The following PROCR variants were observed in gnomAD, a reference collection of about 807,000 sequenced individuals.
PROCR encodes the protein endothelial protein C receptor.
In PROCR, 22 loss-of-function variants were observed where a neutral mutation model predicts 24.2. That is an observed-to-expected ratio of 0.91 (90% CI 0.65 to 1.30). The LOEUF (loss-of-function observed/expected upper bound fraction) is 1.30, where lower values mean the gene tolerates loss of function less well. PROCR is among the 50% of genes most tolerant of loss of function. PROCR has a pLI of 0.00. For missense variants in PROCR, 288 were observed against 307.7 expected (o/e 0.94, Z 0.48); for synonymous variants, 137 against 139.2 (o/e 0.98, Z 0.11).
At chr20:35,193,826 G>A (rs2086193796) in intron 1 of PROCR, among the ~76,000 whole-genome samples, 1 of 152,210 alleles carries the variant, frequency 6.6e-6, no homozygotes. Flanking sequence ...CTAAATTTGA[G>A]AGCTCACTAT....
At chr20:35,206,221 TC>T (rs1188485542) in intron 1 of PROCR, among the ~76,000 whole-genome samples, 6 of 151,302 alleles carry the variant, frequency 4.0e-5, no homozygotes. Context: ...ATGCCTGTAA[TC>T]CCAGCACTTT....
At chr20:35,186,762 C>T (rs1476602024) in intron 1 of PROCR, among the ~76,000 whole-genome samples, 1 of 151,360 alleles carries the variant, frequency 6.6e-6, no homozygotes. Flanking sequence ...TCCTTGCTAA[C>T]ATGGTGAAAC....
At chr20:35,210,752 G>A (rs2060360009) in intron 1 of PROCR, among the ~76,000 whole-genome samples, 1 of 144,354 alleles carries the variant, frequency 6.9e-6, no homozygotes, top group Non-Finnish European at 1.5e-5. Flanking sequence ...TCTCACTCTT[G>A]CCCAGGCTAG....
downstream of PROCR, among the ~76,000 whole-genome samples, chr20:35,178,507 G>GTTTTTTTTTT (rs1203789471): frequency 2.3e-3 from 78 of 34,368 alleles, 19 homozygotes; most frequent in African/African-American, 0.013. Context: ...TCAAGTCTCA[G>GTTTTTTTTTT]TTTTTTTTTT....
At chr20:35,185,780 C>G (rs1231479757) in intron 1 of PROCR, among the ~76,000 whole-genome samples, 8 of 152,132 alleles carry the variant, frequency 5.3e-5, no homozygotes, top group Admixed American at 3.9e-4. Context: ...AAATATGGTG[C>G]ATTGTGTACT....
chr20:35,181,396 T>C (rs2086077791), downstream of PROCR, among the ~76,000 whole-genome samples: 1 of 151,890 alleles, frequency 6.6e-6, no homozygotes, highest in Non-Finnish European at 1.5e-5. Flanking sequence ...TACCTCAGCC[T>C]CCCAAGTAGC....
chr20:35,203,888 G>A (rs764653562), intron 1 of PROCR, among the ~76,000 whole-genome samples: 10 of 151,680 alleles, frequency 6.6e-5, no homozygotes, highest in Admixed American at 2.6e-4. Flanking sequence ...ACTAGAGAAA[G>A]AACAAATTAA....
chr20:35,178,804 C>T (rs1412052006), downstream of PROCR, among the ~76,000 whole-genome samples: 20 of 148,958 alleles, frequency 1.3e-4, no homozygotes, highest in African/African-American at 3.7e-4. Context: ...CGTGAGCCAC[C>T]GCGCCCGGCC....
chr20:35,174,265 G>C (rs1180713450), intron 1 of PROCR: 2 of 227,420 alleles, frequency 8.8e-6, no homozygotes, highest in African/African-American at 4.5e-5. Context: ...AATAGAGAAC[G>C]GGGAGATGAA....
intron 1 of PROCR, among the ~76,000 whole-genome samples, chr20:35,186,948 G>C (rs1321336780): frequency 6.7e-6 from 1 of 149,994 alleles, no homozygotes; most frequent in Non-Finnish European, 1.5e-5. Context: ...GCAAGACTCT[G>C]TCTCAAAAAA....
upstream of PROCR, chr20:35,172,026 C>CT (rs1262985115): frequency 2.4e-6 from 2 of 817,698 alleles, no homozygotes; most frequent in Non-Finnish European, 4.2e-6. Flanking sequence ...TCCTGGCCTC[C>CT]TTCCATCCTC....
intron 1 of PROCR, among the ~76,000 whole-genome samples, chr20:35,210,238 T>TA (rs1251645725): frequency 6.7e-6 from 1 of 149,356 alleles, no homozygotes; most frequent in African/African-American, 2.5e-5. Context: ...AGAAAATAAA[T>TA]AAATAAAATT....
At chr20:35,199,747 C>CAA (rs748805879) in intron 1 of PROCR, among the ~76,000 whole-genome samples, 93 of 75,450 alleles carry the variant, frequency 1.2e-3, no homozygotes, top group Middle Eastern at 0.018. Flanking sequence ...GACTGTGTCT[C>CAA]AAAAAAAAAA....
At chr20:35,192,680 C>CCT (rs2086183982) in intron 1 of PROCR, among the ~76,000 whole-genome samples, 1 of 152,112 alleles carries the variant, frequency 6.6e-6, no homozygotes, top group African/African-American at 2.4e-5. Flanking sequence ...CCCCCACCTC[C>CCT]CTCTGTACCC....
rs550648453 is a variant in PROCR, at chr20:35,174,316, C to A, written c.71-386C>A. On this transcript the variant is annotated intron_variant, in intron 1 of 3. Transcript: ENST00000216968. ...CCCAGTCTAGATGAGACGGATGAAT[C>A]CTGAATCAGGGCAGTGGAAGAGGAG... 9.5e-4 allele frequency: 306 copies of A among 321,306 alleles called. 3 individuals carry two copies. Among genetic ancestry groups the A allele is most frequent in the South Asian group, 8.6e-3 (291 of 33,892 alleles). 19.9% of individuals were successfully genotyped at this position (321,306 alleles called of 1,614,324 possible). A position where few individuals can be genotyped will look rare whatever the true frequency, so the allele number is the denominator to read the frequency against.
chr20:35,185,030 CAAAAA>C (rs55715132), intron 1 of PROCR, among the ~76,000 whole-genome samples: 6 of 104,092 alleles, frequency 5.8e-5, no homozygotes, highest in Non-Finnish European at 7.8e-5. Context: ...ATCAGTAAGA[CAAAAA>C]AAAAAAAAAA....
chr20:35,206,575 G>A (rs6060308), intron 1 of PROCR, among the ~76,000 whole-genome samples: 56,327 of 150,728 alleles, frequency 0.37, 12,032 homozygotes, highest in African/African-American at 0.59. Context: ...CACCAGAGAA[G>A]ATACATGGAT....
Position 35,176,892 on chromosome 20 carries a change from C to T in PROCR, c.*79C>T. 6.4e-7 allele frequency: 1 copy of T among 1,564,146 alleles called. No individual in the cohort carries two copies. Among genetic ancestry groups the T allele is most frequent in the Non-Finnish European group, 8.7e-7 (1 of 1,153,236 alleles). ...AGTTTCAGCTCACTGTGAAGCCAGACTCCCCAACTGAAACACCAGAAGGTT... is the reference window on the plus strand; with the variant it reads ...AGTTTCAGCTCACTGTGAAGCCAGATTCCCCAACTGAAACACCAGAAGGTT... On this transcript the variant is annotated 3_prime_UTR_variant, in exon 4 of 4. Coordinates refer to ENST00000216968, the MANE Select transcript of PROCR (RefSeq NM_006404.5).
At chr20:35,206,302 G>A (rs572069579) in intron 1 of PROCR, among the ~76,000 whole-genome samples, 2 of 151,432 alleles carry the variant, frequency 1.3e-5, no homozygotes, top group South Asian at 2.1e-4. Context: ...GTGAAACCTC[G>A]TCTCTACTAA....
Sources: allele counts gnomAD v4.1 joint callset (sites outside exome capture counted in the v4.1 genomes callset), GRCh38; gene constraint gnomAD v4.1.1; transcripts MANE v1.5; gene names NCBI Gene and HGNC (gene_info 2026-07-23, HGNC 2026-07-21).